The following NTM variants were observed in gnomAD, a reference collection of about 807,000 sequenced individuals.
The protein encoded by NTM is neurotrimin.
NTM carries 13 observed loss-of-function variants against 42.1 expected under a neutral mutation model. That is an observed-to-expected ratio of 0.31 (90% CI 0.20 to 0.49). The LOEUF (loss-of-function observed/expected upper bound fraction) is 0.49. Ranked by LOEUF, NTM falls within the 20% of genes least tolerant of loss-of-function variation. NTM has a pLI of 0.99. For synonymous variants in NTM, 187 were observed against 179.2 expected (o/e 1.04, Z -0.35); for missense variants, 373 against 452.8 (o/e 0.82, Z 1.60).
intron 1 of NTM, among the ~76,000 whole-genome samples, chr11:131,672,109 T>G (rs2070390271): frequency 1.3e-5 from 2 of 152,202 alleles, no homozygotes; most frequent in South Asian, 4.1e-4. Flanking sequence ...GGACTCGGCT[T>G]TCCACACCAT....
chr11:131,606,384 G>A (rs1490219473), intron 1 of NTM, among the ~76,000 whole-genome samples: 1 of 152,108 alleles, frequency 6.6e-6, no homozygotes, highest in Non-Finnish European at 1.5e-5. Context: ...ATCTACCACT[G>A]TTCCTGGAAT....
chr11:132,157,280 T>G (rs1023116409), intron 3 of NTM, among the ~76,000 whole-genome samples: 44 of 152,320 alleles, frequency 2.9e-4, no homozygotes, highest in African/African-American at 1.0e-3. Context: ...TGCCCCAAAT[T>G]TAGTCTTTGT....
chr11:131,844,416 C>G (rs960765280), intron 1 of NTM, among the ~76,000 whole-genome samples: 1 of 152,196 alleles, frequency 6.6e-6, no homozygotes, highest in South Asian at 2.1e-4. Context: ...TAGGATGAGT[C>G]CCCCCATCCT....
chr11:131,834,066 T>G (rs1056761691), intron 1 of NTM, among the ~76,000 whole-genome samples: 2 of 152,078 alleles, frequency 1.3e-5, no homozygotes, highest in Admixed American at 6.6e-5. Context: ...ATAAGTACAG[T>G]CTCTTCTTTA....
intron 7 of NTM, among the ~76,000 whole-genome samples, chr11:132,319,758 T>G (rs976845142): frequency 6.6e-6 from 1 of 152,224 alleles, no homozygotes; most frequent in Non-Finnish European, 1.5e-5. Flanking sequence ...TCAGACAGCT[T>G]TGAAGAGAGC....
intron 1 of NTM, among the ~76,000 whole-genome samples, chr11:131,614,546 T>C (rs747621890): frequency 1.4e-4 from 22 of 152,322 alleles, no homozygotes; most frequent in Non-Finnish European, 2.6e-4. Context: ...AGAAAGCCCA[T>C]GGGGCAGGGG....
At position 131,812,076 on chromosome 11, in the gene NTM, C is replaced by A. The variant is rs373541818; in HGVS notation, c.83-99488C>A. Among the ~76,000 whole-genome samples the A allele has an allele frequency of 1.6e-4, 25 of 152,158 alleles. 2 individuals are homozygous for A. The highest frequency in any genetic ancestry group is 5.8e-4 in the African/African-American group (24 of 41,502). On this transcript the variant is annotated intron_variant, in intron 1 of 8. Transcript: ENST00000683400. ...CAACCACCCAGTGCGTGTAGAGTAA[C>A]CATATGAAAGACCAGAGAACTGACT...
chr11:131,599,675 G>T (rs1316497237), intron 1 of NTM, among the ~76,000 whole-genome samples: 3 of 152,140 alleles, frequency 2.0e-5, no homozygotes, highest in Non-Finnish European at 2.9e-5. Flanking sequence ...CCCTCTTATG[G>T]CTCACAACAA....
At chr11:132,097,635 C>G (rs1001781899) in intron 2 of NTM, among the ~76,000 whole-genome samples, 1 of 152,208 alleles carries the variant, frequency 6.6e-6, no homozygotes, top group Non-Finnish European at 1.5e-5. Flanking sequence ...CTGATATGAC[C>G]TCCTAGGTCA....
At chr11:131,408,512 C>T (rs549311261) in intron 1 of NTM, among the ~76,000 whole-genome samples, 5 of 152,300 alleles carry the variant, frequency 3.3e-5, no homozygotes, top group African/African-American at 1.2e-4. Context: ...TCTTGTGCCT[C>T]TCTACCAGAT....
chr11:131,484,943 C>T (rs1026630348), intron 1 of NTM, among the ~76,000 whole-genome samples: 2 of 152,174 alleles, frequency 1.3e-5, no homozygotes, highest in Non-Finnish European at 2.9e-5. Context: ...CAAACCCCTC[C>T]TTGCCTTGAA....
intron 4 of NTM, among the ~76,000 whole-genome samples, chr11:132,275,735 C>CGTATATATAT (rs2093692281): frequency 5.1e-5 from 2 of 39,062 alleles, no homozygotes; most frequent in Non-Finnish European, 5.1e-5. Context: ...CGTATATATA[C>CGTATATATAT]GTATATATAT....
chr11:131,483,484 T>C (rs1953832824), intron 1 of NTM, among the ~76,000 whole-genome samples: 1 of 152,028 alleles, frequency 6.6e-6, no homozygotes, highest in South Asian at 2.1e-4. Flanking sequence ...CCACTCGGAG[T>C]AGGAGTCTGA....
At chr11:131,631,229 G>A (rs1473394821) in intron 1 of NTM, among the ~76,000 whole-genome samples, 2 of 152,144 alleles carry the variant, frequency 1.3e-5, no homozygotes, top group African/African-American at 4.8e-5. Flanking sequence ...AGAGTTTATG[G>A]GACAATGTAT....
chr11:131,650,800 A>G (rs1018807918), intron 1 of NTM, among the ~76,000 whole-genome samples: 4 of 152,208 alleles, frequency 2.6e-5, no homozygotes, highest in African/African-American at 9.6e-5. Flanking sequence ...TCTGTTATAT[A>G]ATTTCAAGAA....
intron 3 of NTM, among the ~76,000 whole-genome samples, chr11:132,210,784 T>A (rs1467111474): frequency 6.6e-6 from 1 of 152,194 alleles, no homozygotes; most frequent in Non-Finnish European, 1.5e-5. Flanking sequence ...ATCCAGTCCT[T>A]GTGGGTGCTG....
chr11:131,688,953 G>A (rs1283141505), intron 1 of NTM, among the ~76,000 whole-genome samples: 1 of 152,162 alleles, frequency 6.6e-6, no homozygotes, highest in African/African-American at 2.4e-5. Context: ...TAGAGCCCTG[G>A]TGCGTTCTGC....
At chr11:131,582,790 T>C (rs2137197757) in intron 1 of NTM, among the ~76,000 whole-genome samples, 1 of 152,020 alleles carries the variant, frequency 6.6e-6, no homozygotes, top group East Asian at 1.9e-4. Context: ...CACGCCCCCT[T>C]CCCCCACCAA....
rs11222752 is a variant in NTM, at chr11:131,726,969, G to A, written c.83-184595G>A. ...CTCCCAAAGCACTGGGATTACAGGC[G>A]CAAGCCACAGCACCCAGCCCATGCC... is the stretch of plus-strand genomic sequence containing the variant. On this transcript the variant is annotated intron_variant, in intron 1 of 8. Coordinates refer to ENST00000683400, the MANE Select transcript of NTM (RefSeq NM_001352005.2). 2.5e-3 allele frequency among the ~76,000 whole-genome samples: 377 copies of A among 151,354 alleles called. 5 individuals carry two copies. The highest frequency in any genetic ancestry group is 3.1e-3 in the Non-Finnish European group (213 of 68,018).
Sources: allele counts gnomAD v4.1 joint callset (sites outside exome capture counted in the v4.1 genomes callset), GRCh38; gene constraint gnomAD v4.1.1; transcripts MANE v1.5; gene names NCBI Gene and HGNC (gene_info 2026-07-23, HGNC 2026-07-21).